TEK: variants seen among roughly 807,000 people sequenced by gnomAD.
TEK encodes TEK receptor tyrosine kinase, also known as angiopoietin-1 receptor.
Under a neutral mutation model 131.8 loss-of-function variants are expected in TEK, and 43 were observed. The observed-to-expected ratio is 0.33, with a 90% confidence interval of 0.26 to 0.42. The LOEUF is 0.42. Ranked by LOEUF, TEK falls within the 10% of genes least tolerant of loss-of-function variation. The probability of loss-of-function intolerance (pLI) is 1.00; values close to 1 mark genes in which losing one functional copy is unlikely to be tolerated. For missense variants in TEK, 1,162 were observed against 1,384.4 expected (o/e 0.84, Z 2.55); for synonymous variants, 580 against 491.6 (o/e 1.18, Z -2.38).
intron 1 of TEK, among the ~76,000 whole-genome samples, chr9:27,136,869 A>G (rs1343419584): frequency 3.9e-5 from 6 of 152,094 alleles, no homozygotes; most frequent in African/African-American, 7.2e-5. Flanking sequence ...CCAATGTTCT[A>G]CCTTTCTGCT....
chr9:27,225,059 A>T (rs1401973258), intron 21 of TEK, among the ~76,000 whole-genome samples: 1 of 152,218 alleles, frequency 6.6e-6, no homozygotes, highest in African/African-American at 2.4e-5. Context: ...AGGGATGTGA[A>T]GGACCTCTTC....
intron 18 of TEK, among the ~76,000 whole-genome samples, chr9:27,215,299 G>A (rs1349125400): frequency 6.9e-6 from 1 of 145,364 alleles, no homozygotes; most frequent in East Asian, 2.0e-4. Flanking sequence ...CTTGGGGCTG[G>A]GGAGGAAAGG....
In TEK at chr9:27,229,364, C is replaced by T; in HGVS notation, c.*132C>T. Reference sequence around the variant, plus strand: ...ATATGTGCTGTACACCTGGGACCTTCACCACTGTAGATCCCATGCATGGAT... The same window carrying T: ...ATATGTGCTGTACACCTGGGACCTTTACCACTGTAGATCCCATGCATGGAT... On this transcript the variant is annotated 3_prime_UTR_variant, in exon 23 of 23. Transcript: ENST00000380036. The T allele has an allele frequency of 1.2e-6, 1 of 841,324 alleles. No individual in the cohort carries two copies. Among genetic ancestry groups the T allele is most frequent in the Non-Finnish European group, 2.0e-6 (1 of 491,682 alleles). The allele number at this position is 841,324 out of a possible 1,614,324, so 52.1% of individuals were successfully genotyped here.
chr9:27,163,076 C>T (rs1481020134), intron 2 of TEK, among the ~76,000 whole-genome samples: 1 of 152,218 alleles, frequency 6.6e-6, no homozygotes, highest in Non-Finnish European at 1.5e-5. Flanking sequence ...GTATGCCTGA[C>T]ATTCCCCTAG....
intron 6 of TEK, among the ~76,000 whole-genome samples, chr9:27,179,412 C>G (rs1388839069): frequency 6.6e-6 from 1 of 152,156 alleles, no homozygotes. Context: ...AAATTCTTGT[C>G]TATTCCAACA....
At position 27,226,007 on chromosome 9, in the gene TEK, A is replaced by G. The variant is rs183021038; in HGVS notation, c.3201-2199A>G. 3.4e-3 allele frequency among the ~76,000 whole-genome samples: 512 copies of G among 152,368 alleles called. 3 individuals are homozygous for G. The highest frequency in any genetic ancestry group is 0.012 in the African/African-American group (499 of 41,576). ...GCTCATCATCACTGGTCATTAGAGA[A>G]ATGCATATCAAAACCACAATGAGAT... On this transcript the variant is annotated intron_variant, in intron 21 of 22. Coordinates refer to ENST00000380036, the MANE Select transcript of TEK (RefSeq NM_000459.5).
chr9:27,180,484 A>G (rs771862350), intron 7 of TEK, 116 bp downstream of exon 7: 42 of 1,437,696 alleles, frequency 2.9e-5, no homozygotes, highest in Middle Eastern at 4.4e-4. Flanking sequence ...GTTTCCATCC[A>G]GAAGTTGGGA....
intron 18 of TEK, 98 bp from the exon 19 acceptor site, chr9:27,217,590 C>T: frequency 9.7e-7 from 1 of 1,030,118 alleles, no homozygotes; most frequent in Non-Finnish European, 1.5e-6. Context: ...ATTTCTGAGT[C>T]TACCCAGCAA....
chr9:27,194,749 C>G (rs1169434534), intron 11 of TEK, among the ~76,000 whole-genome samples: 2 of 151,990 alleles, frequency 1.3e-5, no homozygotes, highest in African/African-American at 4.8e-5. Flanking sequence ...CAGGGGTAGG[C>G]GGGAAGGGGA....
chr9:27,215,560 GT>G (rs58505932), intron 18 of TEK, among the ~76,000 whole-genome samples: 111,748 of 142,018 alleles, frequency 0.79, 43,695 homozygotes, highest in East Asian at 0.98. Flanking sequence ...CTGCATTAGG[GT>G]TTTTTTTTTT....
chr9:27,132,830 A>G (rs548355245), intron 1 of TEK, among the ~76,000 whole-genome samples: 3 of 152,336 alleles, frequency 2.0e-5, no homozygotes, highest in South Asian at 4.1e-4. Context: ...CAAGAAATCT[A>G]TATCTATAGC....
chr9:27,219,943 T>C, intron 20 of TEK, 106 bp from the exon 21 acceptor site: 1 of 1,169,166 alleles, frequency 8.6e-7, no homozygotes, highest in African/African-American at 1.5e-5. Flanking sequence ...CACCCTCTCT[T>C]GCCATACCAT....
At position 27,185,504 on chromosome 9, in the gene TEK, C is replaced by G; in HGVS notation, c.1202C>G (p.Thr401Arg). 1 of 1,613,258 alleles carries G rather than the reference C, an allele frequency of 6.2e-7. No homozygotes were observed. The highest frequency in any genetic ancestry group is 8.5e-7 in the Non-Finnish European group (1 of 1,179,602). ...TVLHPKDFNH[T>R]DHFSVAIFTI... ...TTTCAGCCAAAAGACTTTAACCATA[C>G]GGATCATTTCTCAGTAGCCATATTC... is the stretch of plus-strand genomic sequence containing the variant. Residue 401 changes from threonine to arginine, a missense_variant, in exon 9 of 23, where the codon ACG (threonine) becomes AGG (arginine). Transcript: ENST00000380036.
At chr9:27,159,342 T>C (rs1823459948) in intron 2 of TEK, among the ~76,000 whole-genome samples, 1 of 152,200 alleles carries the variant, frequency 6.6e-6, no homozygotes, top group South Asian at 2.1e-4. Flanking sequence ...TTGTACACTA[T>C]CACTTCTGCT....
At chr9:27,222,904 C>G (rs1826145699) in intron 21 of TEK, among the ~76,000 whole-genome samples, 1 of 151,622 alleles carries the variant, frequency 6.6e-6, no homozygotes, top group African/African-American at 2.4e-5. Context: ...CACATAGGCT[C>G]AAAATAAAGG....
rs1554701101 is a variant in TEK at position 27,211,191 on chromosome 9, A to ATGTG, written c.2687-1513_2687-1512insGTGT. ...TATGTGTATATATATATATGAATAT[A>ATGTG]TGTATATATATGAATATATGTGTAT... On this transcript the variant is annotated intron_variant, in intron 16 of 22. Coordinates refer to ENST00000380036, the MANE Select transcript of TEK (RefSeq NM_000459.5). 5.0e-3 allele frequency among the ~76,000 whole-genome samples: 720 copies of ATGTG among 143,326 alleles called. 5 individuals carry two copies. Among genetic ancestry groups the ATGTG allele is most frequent in the African/African-American group, 0.017 (668 of 38,742 alleles). The allele number at this position is 143,326 out of a possible 152,430, so 94.0% of individuals were successfully genotyped here.
chr9:27,192,906 C>T (rs1459470884), intron 11 of TEK, among the ~76,000 whole-genome samples: 1 of 152,190 alleles, frequency 6.6e-6, no homozygotes. Context: ...TTCAGGAAGG[C>T]AGGGCCTCCC....
At chr9:27,117,826 C>T (rs952423794) in intron 1 of TEK, among the ~76,000 whole-genome samples, 3 of 152,192 alleles carry the variant, frequency 2.0e-5, no homozygotes, top group African/African-American at 7.2e-5. Context: ...GCTGGTCACA[C>T]CCATCTCAGC....
intron 1 of TEK, among the ~76,000 whole-genome samples, chr9:27,126,681 A>G (rs904260515): frequency 5.3e-5 from 8 of 152,236 alleles, no homozygotes; most frequent in Non-Finnish European, 1.5e-5. Flanking sequence ...GTAATCAATC[A>G]GGCTCCACTA....
Sources: gnomAD v4.1 joint callset for allele counts (sites outside exome capture counted in the v4.1 genomes callset) on GRCh38, gnomAD v4.1.1 for gene constraint, MANE v1.5 for transcripts, NCBI Gene and HGNC (gene_info 2026-07-23, HGNC 2026-07-21) for gene names.